The following C9 variants were observed in gnomAD, a reference collection of about 807,000 sequenced individuals.
C9 encodes complement component C9.
Under a neutral mutation model 65.4 loss-of-function variants are expected in C9, and 63 were observed. The ratio of observed to expected loss-of-function variants is 0.96; its 90% CI spans 0.79 to 1.19. The LOEUF is 1.19. C9 is among the 50% of genes most tolerant of loss of function. The probability of loss-of-function intolerance (pLI) is 0.00; values close to 1 mark genes in which losing one functional copy is unlikely to be tolerated. For synonymous variants in C9, 229 were observed against 227.9 expected (o/e 1.00, Z -0.04); for missense variants, 744 against 670.1 (o/e 1.11, Z -1.22).
chr5:39,327,748 G>A (rs1313146778), intron 5 of C9, among the ~76,000 whole-genome samples: 4 of 152,130 alleles, frequency 2.6e-5, no homozygotes, highest in Non-Finnish European at 5.9e-5. Context: ...GAAGCCATAG[G>A]AGAAGAGGAA....
At chr5:39,337,471 A>G (rs1753991095) in intron 4 of C9, among the ~76,000 whole-genome samples, 2 of 152,382 alleles carry the variant, frequency 1.3e-5, no homozygotes, top group South Asian at 2.1e-4. Context: ...CTGCCAAGAA[A>G]CATGAACACT....
Position 39,364,457 on chromosome 5 carries a change from G to A in C9, c.8C>T (p.Ala3Val). MS[A>V]CRSFAVAICI... is the part of the protein sequence containing the mutation. Reference sequence around the variant, plus strand: ...GATTGCAACTGCAAAGCTCCGGCAGGCTGACATGCTGCTCTTGCTGGGTGG... The same window carrying A: ...GATTGCAACTGCAAAGCTCCGGCAGACTGACATGCTGCTCTTGCTGGGTGG... The change falls in exon 1 of 11, where the codon GCC becomes GTC. Residue 3 changes from alanine (A) to valine (V), a missense_variant. Transcript: ENST00000263408. The A allele has an allele frequency of 6.2e-7, 1 of 1,602,962 alleles. No homozygotes were observed.
At chr5:39,315,282 T>C (rs895352807) in intron 6 of C9, among the ~76,000 whole-genome samples, 1 of 152,142 alleles carries the variant, frequency 6.6e-6, no homozygotes, top group Non-Finnish European at 1.5e-5. Context: ...CAAAATCTGG[T>C]TCAAATATTT....
In C9 at chr5:39,312,478, C is replaced by T. The variant is rs184002796; in HGVS notation, c.871-1101G>A. ...GGTACTAAAAACCTAGATCTCAGGT[C>T]TCCTTGTCCCTTTCAGTCCACCCTC... On this transcript the variant is annotated intron_variant, in intron 6 of 10. Transcript: ENST00000263408. 9.9e-4 allele frequency among the ~76,000 whole-genome samples: 150 copies of T among 152,252 alleles called. 3 individuals are homozygous for T. Among genetic ancestry groups the T allele is most frequent in the African/African-American group, 3.4e-3 (142 of 41,540 alleles).
At chr5:39,286,184 G>A (rs1752988511) in intron 10 of C9, among the ~76,000 whole-genome samples, 2 of 152,032 alleles carry the variant, frequency 1.3e-5, no homozygotes, top group Non-Finnish European at 2.9e-5. Context: ...GTGCAAGACT[G>A]ATGAAAATGA....
At chr5:39,302,218 T>C (rs778591259) in intron 9 of C9, among the ~76,000 whole-genome samples, 41 of 152,086 alleles carry the variant, frequency 2.7e-4, no homozygotes, top group Non-Finnish European at 7.4e-5. Flanking sequence ...TCCTGAAGGG[T>C]TCCATCTTTT....
chr5:39,343,221 G>C (rs1754123267), intron 1 of C9, among the ~76,000 whole-genome samples: 1 of 152,180 alleles, frequency 6.6e-6, no homozygotes, highest in Non-Finnish European at 1.5e-5. Context: ...TGCTGAAGCA[G>C]GGCAAGGCAT....
At chr5:39,349,952 T>C (rs1173755438) in intron 1 of C9, among the ~76,000 whole-genome samples, 1 of 152,122 alleles carries the variant, frequency 6.6e-6, no homozygotes, top group African/African-American at 2.4e-5. Context: ...CACCAGAACT[T>C]TGGTTTTCAT....
At chr5:39,295,249 AAAAGAGG>A (rs1161746508) in intron 9 of C9, among the ~76,000 whole-genome samples, 1 of 151,892 alleles carries the variant, frequency 6.6e-6, no homozygotes, top group Non-Finnish European at 1.5e-5. Context: ...CCTAAATTGG[AAAAGAGG>A]AAGTTAAATT....
chr5:39,306,021 G>C (rs544654132), intron 9 of C9, among the ~76,000 whole-genome samples: 3 of 151,962 alleles, frequency 2.0e-5, no homozygotes, highest in Non-Finnish European at 4.4e-5. Flanking sequence ...AAATTAGCTC[G>C]ATGTGGTGGT....
chr5:39,330,861 A>C (rs991089624), intron 5 of C9, among the ~76,000 whole-genome samples: 12 of 152,344 alleles, frequency 7.9e-5, no homozygotes, highest in African/African-American at 2.6e-4. Flanking sequence ...CTGATTTATG[A>C]TATTTTCAGA....
intron 9 of C9, among the ~76,000 whole-genome samples, chr5:39,299,216 ACT>A (rs887817763): frequency 1.3e-5 from 2 of 151,966 alleles, no homozygotes; most frequent in African/African-American, 4.8e-5. Context: ...AGGAATTGAA[ACT>A]CTCATATATT....
At position 39,364,491 on chromosome 5, in the gene C9, G is replaced by A. The variant is rs759197863; in HGVS notation, c.-27C>T. 5 of 1,398,136 alleles carry A rather than the reference G, an allele frequency of 3.6e-6. No homozygotes were observed. The highest frequency in any genetic ancestry group is 2.3e-5 in the South Asian group (2 of 86,510). 86.6% of individuals were successfully genotyped at this position (1,398,136 alleles called of 1,614,324 possible). Reference sequence around the variant, plus strand: ...CTGCTCTTGCTGGGTGGCTGCGAGTGGGGTGGCAGGGCAGGTCTGGTAAGG... The same window carrying A: ...CTGCTCTTGCTGGGTGGCTGCGAGTAGGGTGGCAGGGCAGGTCTGGTAAGG... On this transcript the variant is annotated 5_prime_UTR_variant, in exon 1 of 11. Transcript: ENST00000263408.
intron 7 of C9, 44 bp downstream of exon 7, chr5:39,311,093 G>T: frequency 6.2e-7 from 1 of 1,600,248 alleles, no homozygotes; most frequent in South Asian, 1.1e-5. Flanking sequence ...AATAATGTTT[G>T]GTCAAAACAG....
At chr5:39,350,990 GC>G (rs916541924) in intron 1 of C9, among the ~76,000 whole-genome samples, 4 of 152,174 alleles carry the variant, frequency 2.6e-5, no homozygotes, top group Non-Finnish European at 4.4e-5. Flanking sequence ...GCAAACTTCT[GC>G]CTGGACATCC....
intron 9 of C9, among the ~76,000 whole-genome samples, chr5:39,290,703 C>G (rs3776541): frequency 0.11 from 16,240 of 151,538 alleles, 1,070 homozygotes; most frequent in African/African-American, 0.18. Flanking sequence ...AGAGGTGGGC[C>G]CAGTATTCTA....
At chr5:39,352,681 C>T (rs935680934) in intron 1 of C9, among the ~76,000 whole-genome samples, 2 of 152,154 alleles carry the variant, frequency 1.3e-5, no homozygotes, top group Non-Finnish European at 2.9e-5. Context: ...TCTACACCAA[C>T]ATTATATATC....
At chr5:39,333,698 C>T (rs190859724) in intron 4 of C9, among the ~76,000 whole-genome samples, 25 of 149,516 alleles carry the variant, frequency 1.7e-4, no homozygotes, top group Non-Finnish European at 8.9e-5. Flanking sequence ...TCTTGGCTCA[C>T]TGCAGCCTCC....
At chr5:39,321,705 G>C (rs969571136) in intron 5 of C9, among the ~76,000 whole-genome samples, 1 of 151,998 alleles carries the variant, frequency 6.6e-6, no homozygotes, top group Non-Finnish European at 1.5e-5. Context: ...ATAGAGCAGG[G>C]ATAGCTAAAC....
Sources: allele counts gnomAD v4.1 joint callset (sites outside exome capture counted in the v4.1 genomes callset), GRCh38; gene constraint gnomAD v4.1.1; transcripts MANE v1.5; gene names NCBI Gene and HGNC (gene_info 2026-07-23, HGNC 2026-07-21).